Variants in VAX2 observed in about 807,000 individuals in gnomAD.
VAX2 encodes ventral anterior homeobox 2.
In VAX2, 8 loss-of-function variants were observed where a neutral mutation model predicts 12.5. The ratio of observed to expected loss-of-function variants is 0.64; its 90% CI spans 0.37 to 1.15. The LOEUF (loss-of-function observed/expected upper bound fraction) is 1.15, where lower values mean the gene tolerates loss of function less well. Ranked by LOEUF, VAX2 falls within the 50% of genes most tolerant of loss-of-function variation. The pLI, the probability that VAX2 is intolerant of heterozygous loss-of-function variation, is 0.01. For synonymous variants in VAX2, 183 were observed against 187.6 expected, an observed-to-expected ratio of 0.98 and a Z score of 0.20; for missense variants, 476 against 412.9, an observed-to-expected ratio of 1.15 and a Z score of -1.32.
At position 70,908,967 on chromosome 2, in the gene VAX2, G is replaced by T. The variant is rs139268988; in HGVS notation, c.247+8099G>T. Reference sequence around the variant, plus strand: ...CGATCTTCATATTCATTAGCCAGTTGTATTTCTTCTATCTATTGATTCATT... The same window carrying T: ...CGATCTTCATATTCATTAGCCAGTTTTATTTCTTCTATCTATTGATTCATT... On this transcript the variant is annotated intron_variant, in intron 1 of 2. Coordinates refer to ENST00000234392, the MANE Select transcript of VAX2 (RefSeq NM_012476.3). Among the ~76,000 whole-genome samples, 37 of 152,218 alleles carry T rather than the reference G, an allele frequency of 2.4e-4. No homozygotes were observed. In the South Asian group the frequency reaches 7.0e-3, roughly 29 times the overall value.
intron 1 of VAX2, among the ~76,000 whole-genome samples, chr2:70,918,083 G>C (rs1451278540): frequency 6.6e-6 from 1 of 152,184 alleles, no homozygotes; most frequent in Admixed American, 6.5e-5. Flanking sequence ...AATTGGAGTT[G>C]GGGAGCTTGA....
At chr2:70,927,148 G>T (rs755485662) in intron 2 of VAX2, among the ~76,000 whole-genome samples, 2 of 152,056 alleles carry the variant, frequency 1.3e-5, no homozygotes. Flanking sequence ...ACCTGGCAAT[G>T]CCTGGCTTGC....
chr2:70,907,678 C>A (rs1553410762), intron 1 of VAX2, among the ~76,000 whole-genome samples: 1 of 152,222 alleles, frequency 6.6e-6, no homozygotes, highest in Non-Finnish European at 1.5e-5. Flanking sequence ...GCCACACTTA[C>A]AATGTAGACA....
At chr2:70,912,057 T>C (rs1679197186) in intron 1 of VAX2, among the ~76,000 whole-genome samples, 1 of 152,262 alleles carries the variant, frequency 6.6e-6, no homozygotes, top group Admixed American at 6.5e-5. Flanking sequence ...AAGCTATGTC[T>C]CTAATAACCC....
At position 70,932,776 on chromosome 2, in the gene VAX2, T is replaced by C; in HGVS notation, c.445T>C (p.Trp149Arg). Residue 149 changes from tryptophan (W) to arginine (R), a missense_variant, in exon 3 of 3, where the codon TGG becomes CGG. Physicochemically the swap from Trp to Arg is moderately radical, Grantham distance 101. Coordinates refer to ENST00000234392, the MANE Select transcript of VAX2 (RefSeq NM_012476.3). ...CCTCCCCCACCCCAAGGTGAAGGTCTGGTTCCAGAACCGCCGCACCAAGCA... is the reference window on the plus strand; with the variant it reads ...CCTCCCCCACCCCAAGGTGAAGGTCCGGTTCCAGAACCGCCGCACCAAGCA... The part of the protein sequence containing the change: ...LNLSETQVKV[W>R]FQNRRTKQKK... The C allele has an allele frequency of 6.4e-7, 1 of 1,562,268 alleles. No individual in the cohort carries two copies. The highest frequency in any genetic ancestry group is 8.7e-7 in the Non-Finnish European group (1 of 1,152,410).
At chr2:70,906,645 C>T (rs948013054) in intron 1 of VAX2, among the ~76,000 whole-genome samples, 3 of 149,002 alleles carry the variant, frequency 2.0e-5, no homozygotes, top group Non-Finnish European at 3.0e-5. Flanking sequence ...CCTCCCTCAT[C>T]GACCTCCCAA....
chr2:70,928,599 G>T (rs1459370557), intron 2 of VAX2, among the ~76,000 whole-genome samples: 3 of 152,208 alleles, frequency 2.0e-5, no homozygotes, highest in African/African-American at 7.2e-5. Flanking sequence ...GCTGCAGGAA[G>T]ATGGGATATG....
rs148752586 is a variant in VAX2, at chr2:70,928,566, C to T, written c.436-4201C>T. Among the ~76,000 whole-genome samples the T allele has an allele frequency of 3.6e-3, 546 of 152,304 alleles. 2 individuals are homozygous for T. The highest frequency in any genetic ancestry group is 6.2e-3 in the Non-Finnish European group (420 of 68,028). On this transcript the variant is annotated intron_variant, in intron 2 of 2. Coordinates refer to ENST00000234392, the MANE Select transcript of VAX2 (RefSeq NM_012476.3). ...CCCAAACCCAGCACCAGCCCACACC[C>T]GCCTCTCCTTGCTACACCCAGAGCT... is the stretch of plus-strand genomic sequence containing the variant.
At chr2:70,911,997 CA>C (rs1280789564) in intron 1 of VAX2, among the ~76,000 whole-genome samples, 1 of 152,076 alleles carries the variant, frequency 6.6e-6, no homozygotes, top group Non-Finnish European at 1.5e-5. Context: ...TATTTTTGCA[CA>C]CAGTGTGAGA....
At chr2:70,905,132 C>T (rs1679022754) in intron 1 of VAX2, among the ~76,000 whole-genome samples, 1 of 152,062 alleles carries the variant, frequency 6.6e-6, no homozygotes, top group African/African-American at 2.4e-5. Flanking sequence ...GGCCGCAGGC[C>T]TAGCCCTGCT....
Position 70,904,422 on chromosome 2 carries a change from C to T in VAX2, c.247+3554C>T, listed in dbSNP as rs892101107. ...TCGATGCTCCACCTGCACGCTCAAA[C>T]GCACCTGTTTCCCAAATTAATCCAG... is the stretch of plus-strand genomic sequence containing the variant. On this transcript the variant is annotated intron_variant, in intron 1 of 2. Coordinates refer to ENST00000234392, the MANE Select transcript of VAX2 (RefSeq NM_012476.3). The surrounding 1 kb of genome is among the most constrained non-coding windows in gnomAD (Gnocchi z 4.2). 6.6e-6 allele frequency among the ~76,000 whole-genome samples: 1 copy of T among 152,216 alleles called. No homozygotes were observed. The highest frequency in any genetic ancestry group is 1.5e-5 in the Non-Finnish European group (1 of 68,034).
At chr2:70,902,576 A>T (rs948405724) in intron 1 of VAX2, among the ~76,000 whole-genome samples, 8 of 152,016 alleles carry the variant, frequency 5.3e-5, no homozygotes, top group Non-Finnish European at 1.0e-4. Context: ...CTTGAACCCC[A>T]CCTATGGGTG....
intron 1 of VAX2, among the ~76,000 whole-genome samples, chr2:70,907,802 C>T (rs1679094067): frequency 6.6e-6 from 1 of 152,246 alleles, no homozygotes; most frequent in African/African-American, 2.4e-5. Context: ...CGAGTCCTTC[C>T]AGGCGATTTT....
chr2:70,918,506 T>C (rs1371019700), intron 1 of VAX2, among the ~76,000 whole-genome samples: 2 of 152,204 alleles, frequency 1.3e-5, no homozygotes, highest in Non-Finnish European at 2.9e-5. Flanking sequence ...CTTTCCATTA[T>C]GTTCTCTAGG....
intron 1 of VAX2, among the ~76,000 whole-genome samples, chr2:70,918,420 G>C (rs1005403022): frequency 6.6e-6 from 1 of 152,160 alleles, no homozygotes; most frequent in Non-Finnish European, 1.5e-5. Context: ...CTAGAGCAGG[G>C]ATTCTCAAGG....
chr2:70,900,919 A>G, intron 1 of VAX2, 51 bp downstream of exon 1: 2 of 1,283,672 alleles, frequency 1.6e-6, no homozygotes. Context: ...CCCTACCCAT[A>G]CTGGGGCCCC....
chr2:70,900,886 G>C lies in VAX2; in HGVS notation c.247+18G>C. The C allele has an allele frequency of 7.3e-7, 1 of 1,378,308 alleles. No individual in the cohort carries two copies. Among genetic ancestry groups the C allele is most frequent in the Non-Finnish European group, 9.4e-7 (1 of 1,061,562 alleles). 85.4% of individuals were successfully genotyped at this position (1,378,308 alleles called of 1,614,324 possible). A position where few individuals can be genotyped will look rare whatever the true frequency, so the allele number is the denominator to read the frequency against. ...GGTGCGAGGTAAGGGGACAGCCCGCGGCCCTGCTCCACTGGACCCTCACCC... is the reference window on the plus strand; with the variant it reads ...GGTGCGAGGTAAGGGGACAGCCCGCCGCCCTGCTCCACTGGACCCTCACCC... On this transcript the variant is annotated intron_variant, in intron 1 of 2. Coordinates refer to ENST00000234392, the MANE Select transcript of VAX2 (RefSeq NM_012476.3).
chr2:70,920,082 T>C (rs1239430384), intron 1 of VAX2, among the ~76,000 whole-genome samples: 3 of 152,178 alleles, frequency 2.0e-5, no homozygotes, highest in Admixed American at 1.3e-4. Context: ...AAGGCGGCCT[T>C]GTGTTGGTAA....
Position 70,900,576 on chromosome 2 carries a change from A to T in VAX2, c.-46A>T, listed in dbSNP as rs1017725277. On this transcript the variant is annotated 5_prime_UTR_variant, in exon 1 of 3. Coordinates refer to ENST00000234392, the MANE Select transcript of VAX2 (RefSeq NM_012476.3). ...GGGGCGGGGAGCGGCGCTCCCGGCC[A>T]GCGTAGGCTGGCTCCGCCGTAGAGG... The T allele has an allele frequency of 3.6e-5, 44 of 1,232,978 alleles. No individual in the cohort carries two copies. The highest frequency in any genetic ancestry group is 3.9e-5 in the Non-Finnish European group (39 of 988,410). 76.4% of individuals were successfully genotyped at this position (1,232,978 alleles called of 1,614,324 possible).
Sources: allele counts gnomAD v4.1 joint callset (sites outside exome capture counted in the v4.1 genomes callset), GRCh38; gene constraint gnomAD v4.1.1; non-coding constraint Gnocchi (gnomAD v3.1); transcripts MANE v1.5; gene names NCBI Gene and HGNC (gene_info 2026-07-23, HGNC 2026-07-21).